SGCZ: variants seen among roughly 807,000 people sequenced by gnomAD.
SGCZ encodes sarcoglycan zeta.
SGCZ carries 40 observed loss-of-function variants against 41.3 expected under a neutral mutation model. That is an observed-to-expected ratio of 0.97 (90% CI 0.75 to 1.26). The LOEUF is 1.26. Among genes scored for constraint, SGCZ ranks in the 50% most tolerant of loss-of-function variants. The probability of loss-of-function intolerance (pLI) is 0.00; values close to 1 mark genes in which losing one functional copy is unlikely to be tolerated. For synonymous variants in SGCZ, 206 were observed against 137.5 expected (o/e 1.50, Z -3.49); for missense variants, 552 against 369.8 (o/e 1.49, Z -4.04).
At chr8:14,131,255 G>A (rs1398171678) in intron 5 of SGCZ, among the ~76,000 whole-genome samples, 1 of 152,114 alleles carries the variant, frequency 6.6e-6, no homozygotes, top group African/African-American at 2.4e-5. Flanking sequence ...CTTAAAGGGA[G>A]GAGCAAAGAA....
intron 1 of SGCZ, among the ~76,000 whole-genome samples, chr8:14,578,234 C>T (rs1006215975): frequency 6.6e-5 from 10 of 152,286 alleles, no homozygotes; most frequent in Admixed American, 6.5e-4. Context: ...GTTGACTCAA[C>T]CAGGTGTGAC....
chr8:14,978,191 G>A (rs1801542389), intron 1 of SGCZ, among the ~76,000 whole-genome samples: 1 of 151,596 alleles, frequency 6.6e-6, no homozygotes, highest in African/African-American at 2.4e-5. Flanking sequence ...CTGCTGGCCG[G>A]GTGTGGTGGC....
At chr8:14,548,652 G>C in intron 2 of SGCZ, among the ~76,000 whole-genome samples, 1 of 151,996 alleles carries the variant, frequency 6.6e-6, no homozygotes, top group Admixed American at 6.6e-5. Context: ...AAGTTCTGCC[G>C]TTACTGACCT....
chr8:14,406,593 T>C (rs932563801), intron 2 of SGCZ, among the ~76,000 whole-genome samples: 2 of 152,110 alleles, frequency 1.3e-5, no homozygotes, highest in Admixed American at 1.3e-4. Flanking sequence ...CAGGTGGGGC[T>C]CGGGCACTAG....
intron 2 of SGCZ, among the ~76,000 whole-genome samples, chr8:14,457,384 G>C (rs768954429): frequency 2.6e-5 from 4 of 152,194 alleles, no homozygotes; most frequent in Non-Finnish European, 5.9e-5. Flanking sequence ...TCCAGCGGTA[G>C]CAAAAGGTGT....
At chr8:14,180,584 AT>A (rs1203814865) in intron 4 of SGCZ, among the ~76,000 whole-genome samples, 1 of 152,100 alleles carries the variant, frequency 6.6e-6, no homozygotes, top group Non-Finnish European at 1.5e-5. Flanking sequence ...TAAAAACCGA[AT>A]TGCCAGTACT....
At chr8:14,146,876 AATAAAAAT>A (rs2116939403) in intron 5 of SGCZ, among the ~76,000 whole-genome samples, 1 of 143,762 alleles carries the variant, frequency 7.0e-6, no homozygotes, top group African/African-American at 2.7e-5. Flanking sequence ...CGTCTCAAAA[AATAAAAAT>A]AAAAAAAATA....
chr8:14,653,289 C>T (rs993285841), intron 1 of SGCZ, among the ~76,000 whole-genome samples: 9 of 152,134 alleles, frequency 5.9e-5, no homozygotes, highest in African/African-American at 1.7e-4. Flanking sequence ...TCATCAGCAA[C>T]GTGTCTTCCT....
chr8:14,625,916 GA>G (rs1350306185), intron 1 of SGCZ, among the ~76,000 whole-genome samples: 1 of 152,128 alleles, frequency 6.6e-6, no homozygotes, highest in African/African-American at 2.4e-5. Flanking sequence ...GGACTACTTG[GA>G]AAATGGATTA....
At chr8:14,394,133 C>T (rs1206204216) in intron 2 of SGCZ, among the ~76,000 whole-genome samples, 2 of 137,882 alleles carry the variant, frequency 1.5e-5, no homozygotes, top group African/African-American at 3.3e-5. Context: ...ACTGCCCTAC[C>T]GCCCCCCACC....
intron 1 of SGCZ, among the ~76,000 whole-genome samples, chr8:15,076,294 T>C (rs1440419578): frequency 6.6e-6 from 1 of 152,100 alleles, no homozygotes; most frequent in Non-Finnish European, 1.5e-5. Context: ...GGGAAGTATA[T>C]GTGTTAGAGG....
intron 1 of SGCZ, among the ~76,000 whole-genome samples, chr8:14,987,217 A>C (rs990330548): frequency 1.3e-5 from 2 of 151,986 alleles, no homozygotes; most frequent in East Asian, 3.9e-4. Flanking sequence ...CAAAAAGTAC[A>C]TTATAGATAA....
intron 1 of SGCZ, among the ~76,000 whole-genome samples, chr8:14,639,856 A>G (rs965922157): frequency 6.6e-6 from 1 of 151,582 alleles, no homozygotes; most frequent in African/African-American, 2.4e-5. Context: ...AGGTTGGCAT[A>G]ATTTGTTATT....
intron 2 of SGCZ, among the ~76,000 whole-genome samples, chr8:14,549,158 T>A (rs1351493197): frequency 6.6e-6 from 1 of 151,948 alleles, no homozygotes; most frequent in African/African-American, 2.4e-5. Context: ...AGTTTGTGTG[T>A]GTGTGTGTGT....
intron 5 of SGCZ, among the ~76,000 whole-genome samples, chr8:14,164,022 CT>C (rs1218376226): frequency 1.3e-5 from 2 of 151,912 alleles, no homozygotes; most frequent in African/African-American, 4.8e-5. Flanking sequence ...CCACTTTTAC[CT>C]TTTTTAAAAT....
At chr8:15,164,893 C>A (rs1799613224) in intron 1 of SGCZ, among the ~76,000 whole-genome samples, 1 of 152,102 alleles carries the variant, frequency 6.6e-6, no homozygotes, top group South Asian at 2.1e-4. Flanking sequence ...AAGCTTCTTT[C>A]TGGTTTGATA....
chr8:14,448,904 A>T (rs1800511745), intron 2 of SGCZ, among the ~76,000 whole-genome samples: 1 of 152,186 alleles, frequency 6.6e-6, no homozygotes, highest in Non-Finnish European at 1.5e-5. Flanking sequence ...CTTCCCTCTT[A>T]GACTAGGCAT....
At chr8:14,968,354 TA>T (rs1801185915) in intron 1 of SGCZ, among the ~76,000 whole-genome samples, 1 of 152,130 alleles carries the variant, frequency 6.6e-6, no homozygotes, top group Admixed American at 6.5e-5. Flanking sequence ...GAAGACTTAC[TA>T]ACATAGATCT....
chr8:14,210,600 T>A (rs912322144), intron 4 of SGCZ, among the ~76,000 whole-genome samples: 1 of 151,868 alleles, frequency 6.6e-6, no homozygotes, highest in Non-Finnish European at 1.5e-5. Context: ...GTAGCTGGGA[T>A]GACAGGCATG....
Sources: allele counts gnomAD v4.1 joint callset (sites outside exome capture counted in the v4.1 genomes callset), GRCh38; gene constraint gnomAD v4.1.1; transcripts MANE v1.5; gene names NCBI Gene and HGNC (gene_info 2026-07-23, HGNC 2026-07-21).